NR1H4: variants seen among roughly 807,000 people sequenced by gnomAD.
The protein encoded by NR1H4 is nuclear receptor subfamily 1 group H member 4, also known as bile acid receptor.
NR1H4 carries 23 observed loss-of-function variants against 58.5 expected under a neutral mutation model. That is an observed-to-expected ratio of 0.39 (90% confidence interval 0.28 to 0.56). The LOEUF (loss-of-function observed/expected upper bound fraction) is 0.56, where lower values mean the gene tolerates loss of function less well. Among genes scored for constraint, NR1H4 ranks in the 20% least tolerant of loss-of-function variants. NR1H4 has a pLI of 0.58. For synonymous variants in NR1H4, 214 were observed against 198.0 expected (o/e 1.08, Z -0.68); for missense variants, 487 against 576.9 (o/e 0.84, Z 1.60).
intron 5 of NR1H4, among the ~76,000 whole-genome samples, chr12:100,533,144 T>A (rs1050627304): frequency 2.0e-5 from 3 of 152,244 alleles, no homozygotes; most frequent in Non-Finnish European, 4.4e-5. Context: ...AGTTTTAATA[T>A]AATTTTGTCT....
chr12:100,496,007 G>A (rs1953707623), intron 3 of NR1H4, among the ~76,000 whole-genome samples: 1 of 152,118 alleles, frequency 6.6e-6, no homozygotes, highest in Non-Finnish European at 1.5e-5. Context: ...CAGAAAGCTG[G>A]ACTCTTTTCC....
At chr12:100,503,291 TCTG>T in intron 3 of NR1H4, 1 of 1,430,276 alleles carries the variant, frequency 7.0e-7, no homozygotes, top group African/African-American at 1.4e-5. Flanking sequence ...TTACAAATAT[TCTG>T]CTCCGTAATG....
At position 100,492,492 on chromosome 12, in the gene NR1H4, T is replaced by G. The variant is rs952700461; in HGVS notation, c.-189-11T>G. The G allele has an allele frequency of 1.3e-5, 2 of 152,166 alleles. No individual in the cohort carries two copies. Among genetic ancestry groups the G allele is most frequent in the African/African-American group, 4.8e-5 (2 of 41,442 alleles). 9.4% of individuals were successfully genotyped at this position (152,166 alleles called of 1,614,324 possible). On this transcript the variant is annotated splice_polypyrimidine_tract_variant and intron_variant, in intron 1 of 10. Coordinates refer to ENST00000392986, the MANE Select transcript of NR1H4 (RefSeq NM_001206979.2). ...CTTTTCATTATTTAACCTTTCAAATTACTTCTTTAGGGAGGTAGAAGACAT... is the reference window on the plus strand; with the variant it reads ...CTTTTCATTATTTAACCTTTCAAATGACTTCTTTAGGGAGGTAGAAGACAT...
At chr12:100,554,830 T>A (rs1032000520) in intron 9 of NR1H4, among the ~76,000 whole-genome samples, 2 of 152,206 alleles carry the variant, frequency 1.3e-5, no homozygotes, top group Non-Finnish European at 2.9e-5. Flanking sequence ...TAGTGTTACA[T>A]CTCCAGTGTT....
chr12:100,474,589 T>C (rs1007349670), intron 1 of NR1H4, among the ~76,000 whole-genome samples: 4 of 152,224 alleles, frequency 2.6e-5, no homozygotes, highest in African/African-American at 9.6e-5. Context: ...TGCTTTCCAT[T>C]TTGAATATTA....
In NR1H4 at chr12:100,521,091, A is replaced by T. The variant is rs115462786; in HGVS notation, c.445+9948A>T. Reference sequence around the variant, plus strand: ...TCACTGAAGATTTGTCAGTCCTGTGATACTTAAAACAAACAAAGAAAACAC... The same window carrying T: ...TCACTGAAGATTTGTCAGTCCTGTGTTACTTAAAACAAACAAAGAAAACAC... On this transcript the variant is annotated intron_variant, in intron 4 of 10. Transcript: ENST00000392986. Among the ~76,000 whole-genome samples, 655 of 152,122 alleles carry T rather than the reference A, an allele frequency of 4.3e-3. 6 individuals carry two copies. Among genetic ancestry groups the T allele is most frequent in the African/African-American group, 0.015 (624 of 41,526 alleles).
intron 1 of NR1H4, among the ~76,000 whole-genome samples, chr12:100,490,314 C>T (rs551760046): frequency 5.3e-5 from 8 of 152,006 alleles, no homozygotes; most frequent in Non-Finnish European, 1.0e-4. Context: ...AGTGGAAGTA[C>T]GGGGGAGCTT....
chr12:100,501,626 T>C (rs573810072), intron 3 of NR1H4, among the ~76,000 whole-genome samples: 14 of 152,316 alleles, frequency 9.2e-5, no homozygotes, highest in African/African-American at 3.4e-4. Context: ...AGTGAAGATC[T>C]GATGAGATAA....
At chr12:100,528,167 A>G (rs1273657639) in intron 4 of NR1H4, among the ~76,000 whole-genome samples, 1 of 152,252 alleles carries the variant, frequency 6.6e-6, no homozygotes, top group Non-Finnish European at 1.5e-5. Context: ...ACCAGTGGCT[A>G]TCAGTATCAG....
At chr12:100,480,282 A>G (rs1276087691) in intron 1 of NR1H4, among the ~76,000 whole-genome samples, 2 of 152,162 alleles carry the variant, frequency 1.3e-5, no homozygotes, top group Admixed American at 6.5e-5. Flanking sequence ...ATTTTTTACT[A>G]TGTCTAGTGT....
chr12:100,549,540 T>A (rs574723101), intron 9 of NR1H4, among the ~76,000 whole-genome samples: 39 of 152,090 alleles, frequency 2.6e-4, no homozygotes, highest in East Asian at 5.8e-4. Context: ...AATAACTGGG[T>A]GAGAAATGAT....
intron 1 of NR1H4, among the ~76,000 whole-genome samples, chr12:100,482,213 A>G (rs1953397410): frequency 2.0e-5 from 3 of 152,356 alleles, no homozygotes; most frequent in South Asian, 4.1e-4. Context: ...CCTATGCTTA[A>G]GAGATTTCCA....
chr12:100,546,960 CT>C (rs1955085375), intron 9 of NR1H4, among the ~76,000 whole-genome samples: 1 of 152,144 alleles, frequency 6.6e-6, no homozygotes, highest in Admixed American at 6.5e-5. Flanking sequence ...AGCCTGAGAA[CT>C]GAAACAGTAT....
chr12:100,479,321 AT>A (rs1953332113), intron 1 of NR1H4, among the ~76,000 whole-genome samples: 1 of 152,168 alleles, frequency 6.6e-6, no homozygotes, highest in South Asian at 2.1e-4. Context: ...TCTCCCAATA[AT>A]TTTATAATTT....
intron 4 of NR1H4, among the ~76,000 whole-genome samples, chr12:100,515,818 G>A (rs959546667): frequency 3.3e-5 from 5 of 152,112 alleles, no homozygotes; most frequent in Non-Finnish European, 7.4e-5. Flanking sequence ...TGTTTAACAA[G>A]ATTTATTTGA....
At chr12:100,524,145 A>G (rs886616580) in intron 4 of NR1H4, among the ~76,000 whole-genome samples, 4 of 152,242 alleles carry the variant, frequency 2.6e-5, no homozygotes, top group African/African-American at 9.6e-5. Context: ...AAGCAAACAT[A>G]TAAGCAATAT....
At chr12:100,551,098 A>C (rs1955193461) in intron 9 of NR1H4, among the ~76,000 whole-genome samples, 1 of 152,204 alleles carries the variant, frequency 6.6e-6, no homozygotes, top group South Asian at 2.1e-4. Context: ...ACCAATTTCT[A>C]ATATTTGCCC....
At chr12:100,546,668 C>A (rs1322701823) in intron 9 of NR1H4, among the ~76,000 whole-genome samples, 2 of 152,076 alleles carry the variant, frequency 1.3e-5, no homozygotes, top group Non-Finnish European at 2.9e-5. Context: ...GCACTCCAGC[C>A]TGGGTGACAG....
chr12:100,562,132 T>C (rs1407458304), intron 10 of NR1H4, 134 bp downstream of exon 10: 4 of 622,022 alleles, frequency 6.4e-6, no homozygotes, highest in Non-Finnish European at 1.1e-5. Flanking sequence ...GCTATCCAAA[T>C]AGAACCATTA....
Sources: allele counts gnomAD v4.1 joint callset (sites outside exome capture counted in the v4.1 genomes callset), GRCh38; gene constraint gnomAD v4.1.1; transcripts MANE v1.5; gene names NCBI Gene and HGNC (gene_info 2026-07-23, HGNC 2026-07-21).